The following RBPMS variants were observed in gnomAD, a reference collection of about 807,000 sequenced individuals.
RBPMS encodes RNA-binding protein with multiple splicing.
A neutral mutation model predicts 26.8 loss-of-function variants in RBPMS; 7 were observed. The ratio of observed to expected loss-of-function variants is 0.26; its 90% CI spans 0.15 to 0.49. The LOEUF is 0.49. Among genes scored for constraint, RBPMS ranks in the 20% least tolerant of loss-of-function variants. RBPMS has a pLI of 0.98. For missense variants in RBPMS, 186 were observed against 250.0 expected, an observed-to-expected ratio of 0.74 and a Z score of 1.73; for synonymous variants, 96 against 93.3, an observed-to-expected ratio of 1.03 and a Z score of -0.17.
chr8:30,492,681 TATTG>T (rs887325055), intron 4 of RBPMS, among the ~76,000 whole-genome samples: 1 of 152,190 alleles, frequency 6.6e-6, no homozygotes, highest in African/African-American at 2.4e-5. Flanking sequence ...TTAAAGTTGT[TATTG>T]ATAATGAATT....
chr8:30,477,716 T>C (rs1563356702), intron 2 of RBPMS, 83 bp from the exon 3 acceptor site: 2 of 939,286 alleles, frequency 2.1e-6, no homozygotes, highest in Non-Finnish European at 1.7e-6. Context: ...AGTTAGGTAA[T>C]CAATAAAGAA....
intron 1 of RBPMS, among the ~76,000 whole-genome samples, chr8:30,390,866 A>G (rs776493232): frequency 5.8e-4 from 89 of 152,226 alleles, no homozygotes; most frequent in Admixed American, 5.9e-4. Flanking sequence ...ATACACGTAT[A>G]TAATTCTTTG....
intron 1 of RBPMS, chr8:30,446,859 G>GCGCGCGCGCAC (rs1191162236): frequency 6.8e-6 from 1 of 148,008 alleles, no homozygotes; most frequent in African/African-American, 2.6e-5. Context: ...GCGCGCGCGC[G>GCGCGCGCGCAC]GTGGAGGGTA....
At chr8:30,418,709 G>C (rs1391569920) in intron 1 of RBPMS, among the ~76,000 whole-genome samples, 1 of 152,066 alleles carries the variant, frequency 6.6e-6, no homozygotes, top group Non-Finnish European at 1.5e-5. Flanking sequence ...CTCCTGAATA[G>C]CTGGGGCTAC....
chr8:30,455,915 A>T (rs1449420943), intron 1 of RBPMS, among the ~76,000 whole-genome samples: 1 of 152,144 alleles, frequency 6.6e-6, no homozygotes, highest in Admixed American at 6.5e-5. Flanking sequence ...ATAAATAAAT[A>T]AAAGACAATG....
chr8:30,409,829 C>G (rs1419682374), intron 1 of RBPMS, among the ~76,000 whole-genome samples: 1 of 151,938 alleles, frequency 6.6e-6, no homozygotes, highest in Non-Finnish European at 1.5e-5. Flanking sequence ...GACGGGGTTT[C>G]ACCACGTTGG....
chr8:30,444,286 T>A (rs1813477341), intron 1 of RBPMS, among the ~76,000 whole-genome samples: 1 of 152,252 alleles, frequency 6.6e-6, no homozygotes, highest in African/African-American at 2.4e-5. Context: ...CTAAGCACAT[T>A]AATTTTTCTG....
chr8:30,526,993 G>A (rs564332639), intron 5 of RBPMS, among the ~76,000 whole-genome samples: 1 of 152,228 alleles, frequency 6.6e-6, no homozygotes, highest in African/African-American at 2.4e-5. Flanking sequence ...TTCAGATAGC[G>A]CTCTGTAGCT....
intron 1 of RBPMS, 101 bp downstream of exon 1, chr8:30,385,259 C>T: frequency 1.3e-6 from 1 of 786,460 alleles, no homozygotes; most frequent in Non-Finnish European, 1.8e-6. Flanking sequence ...AAGGTTCAGG[C>T]ATGGCCCGTG....
chr8:30,565,203 G>GTT (rs1213232677), intron 7 of RBPMS: 1 of 152,212 alleles, frequency 6.6e-6, no homozygotes, highest in African/African-American at 2.4e-5. Flanking sequence ...TGGGGAAAAT[G>GTT]TTTTCTTCCT....
Position 30,419,267 on chromosome 8 carries a change from G to A in RBPMS, c.66+34109G>A, listed in dbSNP as rs376293723. 3.3e-5 allele frequency among the ~76,000 whole-genome samples: 5 copies of A among 152,020 alleles called. No individual in the cohort carries two copies. In the East Asian group the frequency reaches 5.8e-4, roughly 18 times the overall value. On this transcript the variant is annotated intron_variant, in intron 1 of 8. Coordinates refer to ENST00000397323, the MANE Select transcript of RBPMS (RefSeq NM_001008710.3). ...TCAAGACCAGCCTGGCCAACATGGC[G>A]AAACCCCATCTCTATTAAAAATACA...
chr8:30,445,019 TA>T (rs1427881070), intron 1 of RBPMS: 1 of 152,186 alleles, frequency 6.6e-6, no homozygotes, highest in Non-Finnish European at 1.5e-5. Context: ...TTTTTTTTCT[TA>T]CCAAAGAGAG....
intron 1 of RBPMS, among the ~76,000 whole-genome samples, chr8:30,463,423 G>A (rs1422049114): frequency 2.0e-5 from 3 of 152,166 alleles, no homozygotes; most frequent in Admixed American, 6.5e-5. Context: ...ATGGCTTTTG[G>A]CCAGAGGCCT....
intron 1 of RBPMS, among the ~76,000 whole-genome samples, chr8:30,446,058 T>G: frequency 6.6e-6 from 1 of 152,236 alleles, no homozygotes; most frequent in East Asian, 1.9e-4. Flanking sequence ...CTTGGAGCAT[T>G]AAATCAAAAT....
At chr8:30,431,090 TGTG>T (rs1317422467) in intron 1 of RBPMS, among the ~76,000 whole-genome samples, 1 of 152,144 alleles carries the variant, frequency 6.6e-6, no homozygotes, top group Admixed American at 6.5e-5. Context: ...AGGAGGAAGA[TGTG>T]GGGTTGCAGT....
chr8:30,391,359 A>G (rs931715621), intron 1 of RBPMS, among the ~76,000 whole-genome samples: 1 of 152,206 alleles, frequency 6.6e-6, no homozygotes, highest in Admixed American at 6.5e-5. Context: ...TGTGACAGCC[A>G]CTTTGGAATG....
chr8:30,545,017 T>C (rs1825756649), intron 6 of RBPMS: 2 of 1,420,952 alleles, frequency 1.4e-6, no homozygotes, highest in Middle Eastern at 1.9e-4. Context: ...TATGTGCGTC[T>C]GTGCGTGTTT....
At chr8:30,441,606 G>A (rs964971914) in intron 1 of RBPMS, among the ~76,000 whole-genome samples, 8 of 151,556 alleles carry the variant, frequency 5.3e-5, no homozygotes, top group Non-Finnish European at 1.0e-4. Context: ...GCTCTCTCCC[G>A]TGATTGATTT....
At chr8:30,544,760 A>G (rs1414885559) in intron 6 of RBPMS, 136 bp downstream of exon 6, 2 of 1,598,016 alleles carry the variant, frequency 1.3e-6, no homozygotes, top group Non-Finnish European at 1.7e-6. Flanking sequence ...GATCCCCTCT[A>G]AATCAAGCTG....
Sources: gnomAD v4.1 joint callset for allele counts (sites outside exome capture counted in the v4.1 genomes callset) on GRCh38, gnomAD v4.1.1 for gene constraint, MANE v1.5 for transcripts, NCBI Gene and HGNC (gene_info 2026-07-23, HGNC 2026-07-21) for gene names.